Variants in LYST observed in about 807,000 individuals in gnomAD.
The protein encoded by LYST is lysosomal-trafficking regulator.
Under a neutral mutation model 413.6 loss-of-function variants are expected in LYST, and 192 were observed. That is an observed-to-expected ratio of 0.46 (90% confidence interval 0.41 to 0.52). LYST has a LOEUF of 0.52. LYST is among the 20% of genes least tolerant of loss of function. The pLI is 0.00. For missense variants in LYST, 3,815 were observed against 4,499.9 expected, an observed-to-expected ratio of 0.85 and a Z score of 4.35; for synonymous variants, 1,525 against 1,567.3, an observed-to-expected ratio of 0.97 and a Z score of 0.64.
chr1:235,806,876 T>A lies in LYST; in HGVS notation c.2364-104A>T, dbSNP rs78003821. On this transcript the variant is annotated intron_variant, in intron 5 of 52. Transcript: ENST00000389793. ...TATCGCTATTGCATGTGGGATATAC[T>A]AACCACTACCTAATTTTATTCATCA... 9 of 755,220 alleles carry A rather than the reference T, an allele frequency of 1.2e-5. No homozygotes were observed. The African/African-American group carries it at 1.6e-4, about 13-fold the overall frequency. 46.8% of individuals were successfully genotyped at this position (755,220 alleles called of 1,614,324 possible).
At chr1:235,879,240 G>T (rs923507525) in intron 1 of LYST, among the ~76,000 whole-genome samples, 5 of 152,214 alleles carry the variant, frequency 3.3e-5, no homozygotes, top group African/African-American at 1.2e-4. Context: ...TTAATACACA[G>T]AAATAATATT....
At position 235,664,021 on chromosome 1, in the gene LYST, C is replaced by T. The variant is rs1290906861; in HGVS notation, c.11230G>A (p.Glu3744Lys). Residue 3744 changes from glutamate to lysine, a missense_variant, in exon 52 of 53, where the codon GAA becomes AAA. By Grantham distance (56) the Glu-to-Lys change is moderately conservative (BLOSUM62 1). Around this residue, in one of 4 missense-constraint regions of LYST, gnomAD observed 866 missense variants for 1,156.0 expected, o/e 0.75. Coordinates refer to ENST00000389793, the MANE Select transcript of LYST (RefSeq NM_000081.4). This position sits in a 1 kb window ranked among gnomAD's most constrained non-coding sequence, Gnocchi z 4.5. ...TTATTTGATTTGGGAAATGTAATTT[C>T]TCTCACAGGCTTTAAGTCCCATGTG... is the stretch of plus-strand genomic sequence containing the variant. ...WSTWDLKPVREITFPKSNKPI... is the reference protein window; with the variant it reads ...WSTWDLKPVRKITFPKSNKPI... 2 of 1,613,502 alleles carry T rather than the reference C, an allele frequency of 1.2e-6. No individual in the cohort carries two copies. Among genetic ancestry groups the T allele is most frequent in the Non-Finnish European group, 1.7e-6 (2 of 1,179,406 alleles).
intron 2 of LYST, among the ~76,000 whole-genome samples, chr1:235,832,505 T>G (rs1199516199): frequency 6.6e-6 from 1 of 152,184 alleles, no homozygotes; most frequent in African/African-American, 2.4e-5. Context: ...ACCTAAAATA[T>G]ATACATGTTT....
In LYST at chr1:235,808,985, T is replaced by C. The variant is rs1673166386; in HGVS notation, c.1833A>G (p.Ile611Met). ...AAATAAGTTTGTTAAGGATATTCAATATATGCTGCTGAAAATTTTTCAGTG... is the reference window on the plus strand; with the variant it reads ...AAATAAGTTTGTTAAGGATATTCAACATATGCTGCTGAAAATTTTTCAGTG... ...LPALKNFQQH[I>M]LNILNKLILD... The change falls in exon 5 of 53, where the codon ATA (isoleucine) becomes ATG (methionine). Residue 611 changes from isoleucine (I) to methionine (M), a missense_variant. Physicochemically the swap from Ile to Met is conservative, Grantham distance 10 (BLOSUM62 1). Around this residue, in one of 4 missense-constraint regions of LYST, gnomAD observed 1,648 missense variants for 1,810.3 expected, o/e 0.91. Transcript: ENST00000389793. The C allele has an allele frequency of 6.2e-7, 1 of 1,614,102 alleles. No individual in the cohort carries two copies. Among genetic ancestry groups the C allele is most frequent in the Non-Finnish European group, 8.5e-7 (1 of 1,179,964 alleles).
intron 1 of LYST, chr1:235,839,685 A>C (rs994837120): frequency 4.6e-5 from 7 of 151,018 alleles, no homozygotes; most frequent in Non-Finnish European, 7.4e-5. Context: ...CACCGCCTAT[A>C]GTCCCAGTAA....
chr1:235,689,492 T>C (rs897568779), intron 47 of LYST, among the ~76,000 whole-genome samples: 1 of 152,090 alleles, frequency 6.6e-6, no homozygotes, highest in Non-Finnish European at 1.5e-5. Flanking sequence ...CTGAGAGTGC[T>C]GGTAATGTGT....
intron 49 of LYST, 88 bp from the exon 50 acceptor site, chr1:235,677,276 CCT>C: frequency 8.6e-7 from 1 of 1,157,432 alleles, no homozygotes; most frequent in Non-Finnish European, 1.3e-6. Context: ...AGTCTATGTA[CCT>C]ATTGTACATA....
intron 48 of LYST, among the ~76,000 whole-genome samples, chr1:235,683,681 T>C (rs1024207096): frequency 2.6e-5 from 4 of 152,218 alleles, no homozygotes; most frequent in African/African-American, 9.6e-5. Context: ...TGGCACTTGG[T>C]TGGGGGGCCC....
Position 235,702,947 on chromosome 1 carries a change from C to T in LYST, c.10174G>A (p.Glu3392Lys), listed in dbSNP as rs1353418743. The T allele has an allele frequency of 4.3e-6, 7 of 1,613,952 alleles. No homozygotes were observed. The highest frequency in any genetic ancestry group is 5.1e-6 in the Non-Finnish European group (6 of 1,179,976). Residue 3392 changes from glutamate to lysine, a missense_variant, in exon 45 of 53, where the codon GAA becomes AAA. Around this residue, in one of 4 missense-constraint regions of LYST, gnomAD observed 866 missense variants for 1,156.0 expected, o/e 0.75. Transcript: ENST00000389793. ...TYFGMDVSAV[E>K]DPVQRRALET... Reference sequence around the variant, plus strand: ...AGCGCTCGTCTCTGAACTGGATCTTCAACTGCAGAGACATCCATTCCAAAA... The same window carrying T: ...AGCGCTCGTCTCTGAACTGGATCTTTAACTGCAGAGACATCCATTCCAAAA...
At chr1:235,665,415 G>T (rs780990698) in intron 50 of LYST, among the ~76,000 whole-genome samples, 201 of 151,752 alleles carry the variant, frequency 1.3e-3, no homozygotes, top group Non-Finnish European at 1.9e-3. Flanking sequence ...TTCGAGACCA[G>T]CCTAGTTAAC....
chr1:235,693,566 G>A, intron 46 of LYST, 80 bp from the exon 47 acceptor site: 1 of 1,513,560 alleles, frequency 6.6e-7, no homozygotes. Flanking sequence ...GCAGATTAAA[G>A]GGTGAAGTTT....
In LYST at chr1:235,808,618, T is replaced by C. The variant is rs1673125744; in HGVS notation, c.2200A>G (p.Ile734Val). The C allele has an allele frequency of 6.2e-7, 1 of 1,613,452 alleles. No homozygotes were observed. The highest frequency in any genetic ancestry group is 8.5e-7 in the Non-Finnish European group (1 of 1,179,442). Reference sequence around the variant, plus strand: ...CCTCTTTGGAGCACAGGATTAAATATGTAATTATATAATTTCCACTGAACA... The same window carrying C: ...CCTCTTTGGAGCACAGGATTAAATACGTAATTATATAATTTCCACTGAACA... ...IVVQWKLYNY[I>V]FNPVLQRGVE... Residue 734 changes from isoleucine to valine, a missense_variant, in exon 5 of 53, where the codon ATA becomes GTA. Coordinates refer to ENST00000389793, the MANE Select transcript of LYST (RefSeq NM_000081.4).
intron 40 of LYST, among the ~76,000 whole-genome samples, chr1:235,719,433 T>C (rs550090494): frequency 1.1e-4 from 16 of 152,244 alleles, no homozygotes; most frequent in Non-Finnish European, 2.2e-4. Context: ...AATGAGAGAA[T>C]GGGAAATCAA....
intron 1 of LYST, among the ~76,000 whole-genome samples, chr1:235,857,910 G>A (rs1476297444): frequency 6.6e-6 from 1 of 152,040 alleles, no homozygotes; most frequent in Non-Finnish European, 1.5e-5. Flanking sequence ...TTCCCAAGAT[G>A]ACTTGTAAGT....
intron 47 of LYST, among the ~76,000 whole-genome samples, chr1:235,692,774 A>G (rs1411989745): frequency 6.6e-6 from 1 of 151,858 alleles, no homozygotes; most frequent in African/African-American, 2.4e-5. Flanking sequence ...TAATCCCAGC[A>G]CTCTGGGAGG....
chr1:235,809,455 G>T lies in LYST; in HGVS notation c.1363C>A (p.Leu455Met), dbSNP rs768230702. The T allele has an allele frequency of 1.9e-6, 3 of 1,613,934 alleles. No individual in the cohort carries two copies. Among genetic ancestry groups the T allele is most frequent in the Non-Finnish European group, 1.7e-6 (2 of 1,179,960 alleles). Reference protein sequence around the residue: ...FETAVLQMEWLVLRDGVPPEA... With the variant: ...FETAVLQMEWMVLRDGVPPEA... The stretch of plus-strand genomic sequence containing the variant: ...GGAGGAACTCCATCTCTTAAAACCA[G>T]CCATTCCATTTGAAGAACTGCTGTT... The change falls in exon 5 of 53, where the codon CTG becomes ATG. Residue 455 changes from leucine (L) to methionine (M), a missense_variant. Physicochemically the swap from Leu to Met is conservative, Grantham distance 15. This residue lies in a region of LYST where 1,648 missense variants were observed against 1,810.3 expected (regional missense o/e 0.91). Transcript: ENST00000389793. The surrounding 1 kb of genome is among the most constrained non-coding windows in gnomAD (Gnocchi z 4.0).
At chr1:235,827,889 T>G (rs926828485) in intron 3 of LYST, 2 of 723,998 alleles carry the variant, frequency 2.8e-6, no homozygotes, top group Non-Finnish European at 3.4e-6. Flanking sequence ...CCAATAGACT[T>G]GGTTCCAGAA....
chr1:235,873,607 T>G (rs2103231411), intron 1 of LYST, among the ~76,000 whole-genome samples: 1 of 152,276 alleles, frequency 6.6e-6, no homozygotes, highest in South Asian at 2.1e-4. Context: ...CCACTATCAT[T>G]GAAAAAAGAG....
chr1:235,879,738 TTC>T (rs1386978115), intron 1 of LYST, among the ~76,000 whole-genome samples: 1 of 120,246 alleles, frequency 8.3e-6, no homozygotes, highest in African/African-American at 3.3e-5. Flanking sequence ...CTTTCTTTCT[TTC>T]TTTTTTTTTT....
Sources: gnomAD v4.1 joint callset for allele counts (sites outside exome capture counted in the v4.1 genomes callset) on GRCh38, gnomAD v4.1.1 for gene constraint, gnomAD v4.1.1 regional missense constraint, Gnocchi (gnomAD v3.1) non-coding constraint, MANE v1.5 for transcripts, NCBI Gene and HGNC (gene_info 2026-07-23, HGNC 2026-07-21) for gene names.